The following NOS1AP variants were observed in gnomAD, a reference collection of about 807,000 sequenced individuals.
The protein encoded by NOS1AP is nitric oxide synthase 1 adaptor protein.
Under a neutral mutation model 56.2 loss-of-function variants are expected in NOS1AP, and 21 were observed. The observed-to-expected ratio is 0.37, with a 90% CI of 0.26 to 0.54. The LOEUF (loss-of-function observed/expected upper bound fraction) is 0.54. Ranked by LOEUF, NOS1AP falls within the 20% of genes least tolerant of loss-of-function variation. NOS1AP has a pLI of 0.84. For missense variants in NOS1AP, 522 were observed against 657.8 expected, an observed-to-expected ratio of 0.79 and a Z score of 2.26; for synonymous variants, 270 against 274.6, an observed-to-expected ratio of 0.98 and a Z score of 0.17.
intron 2 of NOS1AP, among the ~76,000 whole-genome samples, chr1:162,199,642 C>T (rs5778254): frequency 1.4e-5 from 1 of 69,890 alleles, no homozygotes; most frequent in Admixed American, 1.4e-4. Flanking sequence ...GTGTGTGTGT[C>T]TGTGTGTAAA....
intron 1 of NOS1AP, among the ~76,000 whole-genome samples, chr1:162,099,008 T>C (rs1692313460): frequency 6.6e-6 from 1 of 152,204 alleles, no homozygotes; most frequent in Non-Finnish European, 1.5e-5. Flanking sequence ...GAATGATTTA[T>C]ATCTCTTTGG....
At chr1:162,134,291 G>C (rs4480334) in intron 1 of NOS1AP, among the ~76,000 whole-genome samples, 35,626 of 151,776 alleles carry the variant, frequency 0.23, 7,761 homozygotes, top group African/African-American at 0.59. Flanking sequence ...AGGAGTTTGA[G>C]ACCAGCGTGG....
intron 1 of NOS1AP, among the ~76,000 whole-genome samples, chr1:162,111,451 CT>C (rs1455291477): frequency 6.6e-6 from 1 of 152,124 alleles, no homozygotes; most frequent in Non-Finnish European, 1.5e-5. Flanking sequence ...AGCTTGTTGA[CT>C]TGTGATGGGA....
At chr1:162,093,263 A>G (rs1344250224) in intron 1 of NOS1AP, among the ~76,000 whole-genome samples, 3 of 152,192 alleles carry the variant, frequency 2.0e-5, no homozygotes, top group East Asian at 1.9e-4. Flanking sequence ...TATTCATGCA[A>G]TCAGTATTTA....
Position 162,367,319 on chromosome 1 carries a change from G to A in NOS1AP, c.1373G>A (p.Arg458Gln). The A allele has an allele frequency of 6.2e-7, 1 of 1,613,230 alleles. No individual in the cohort carries two copies. The highest frequency in any genetic ancestry group is 8.5e-7 in the Non-Finnish European group (1 of 1,179,930). Reference protein sequence around the residue: ...LLGGLELIKFRESGIASEYES... With the variant: ...LLGGLELIKFQESGIASEYES... ...GGCGGTCTGGAGCTCATCAAGTTCC[G>A]AGAGTCAGGCATCGCCTCGGAGTAC... The change falls in exon 10 of 10, where the codon CGA becomes CAA. Residue 458 changes from arginine to glutamine, a missense_variant. Around this residue, in one of 4 missense-constraint regions of NOS1AP, gnomAD observed 160 missense variants for 180.3 expected, o/e 0.89. Coordinates refer to ENST00000361897, the MANE Select transcript of NOS1AP (RefSeq NM_014697.3). The surrounding 1 kb of genome is among the most constrained non-coding windows in gnomAD (Gnocchi z 6.5).
chr1:162,299,243 T>G (rs1571201604), intron 3 of NOS1AP, among the ~76,000 whole-genome samples: 1 of 152,062 alleles, frequency 6.6e-6, no homozygotes, highest in African/African-American at 2.4e-5. Flanking sequence ...TTAAGAGGAG[T>G]GTCATGGCTG....
rs576509496 is a variant in NOS1AP at position 162,219,450 on chromosome 1, G to C, written c.177+64974G>C. 3.3e-5 allele frequency among the ~76,000 whole-genome samples: 5 copies of C among 152,174 alleles called. No homozygotes were observed. The East Asian group carries it at 9.6e-4, about 29-fold the overall frequency. On this transcript the variant is annotated intron_variant, in intron 2 of 9. Transcript: ENST00000361897. ...TTTAAACAGCTATCATGTATTACCT[G>C]TTCCTCTACTGAGGTGGGGCCCTGG...
intron 2 of NOS1AP, among the ~76,000 whole-genome samples, chr1:162,238,813 A>G (rs1266799243): frequency 6.6e-6 from 1 of 152,240 alleles, no homozygotes; most frequent in Non-Finnish European, 1.5e-5. Context: ...TATGAAGAAG[A>G]CAGCATAAAA....
chr1:162,081,585 T>G (rs1298426804), intron 1 of NOS1AP, among the ~76,000 whole-genome samples: 1 of 149,782 alleles, frequency 6.7e-6, no homozygotes, highest in East Asian at 1.9e-4. Flanking sequence ...TTTACTCTGT[T>G]GCCCATGCTG....
intron 2 of NOS1AP, among the ~76,000 whole-genome samples, chr1:162,186,009 TCTC>T (rs1246058131): frequency 6.6e-6 from 1 of 152,192 alleles, no homozygotes; most frequent in African/African-American, 2.4e-5. Flanking sequence ...AAGTCTTCCT[TCTC>T]CTCCTCCTTC....
chr1:162,109,269 C>A (rs1647624047), intron 1 of NOS1AP, among the ~76,000 whole-genome samples: 1 of 152,138 alleles, frequency 6.6e-6, no homozygotes, highest in Non-Finnish European at 1.5e-5. Context: ...TTATTTGGAT[C>A]TTAAGGATAA....
chr1:162,081,774 A>ATAT lies in NOS1AP; in HGVS notation c.105+11493_105+11494insATT. Among the ~76,000 whole-genome samples, 40 of 44,060 alleles carry ATAT rather than the reference A, an allele frequency of 9.1e-4. 3 individuals carry two copies. Among genetic ancestry groups the ATAT allele is most frequent in the African/African-American group, 2.1e-3 (28 of 13,086 alleles). The allele number at this position is 44,060 out of a possible 152,430, so 28.9% of individuals were successfully genotyped here. On this transcript the variant is annotated intron_variant, in intron 1 of 9. Transcript: ENST00000361897. Reference sequence around the variant, plus strand: ...TCTATAGATATATATATATATATATATTTTTTTTTTGTAGAGATGGGTTTT... The same window carrying ATAT: ...TCTATAGATATATATATATATATATATATTTTTTTTTTTGTAGAGATGGGTTTT...
At chr1:162,078,267 C>T (rs1465079862) in intron 1 of NOS1AP, among the ~76,000 whole-genome samples, 1 of 152,182 alleles carries the variant, frequency 6.6e-6, no homozygotes, top group Non-Finnish European at 1.5e-5. Flanking sequence ...GTGTTGCTGT[C>T]CCTATCACTC....
intron 2 of NOS1AP, among the ~76,000 whole-genome samples, chr1:162,251,879 T>TTG (rs1653872824): frequency 7.1e-6 from 1 of 140,286 alleles, no homozygotes; most frequent in African/African-American, 2.6e-5. Context: ...GTTTTTTTTT[T>TTG]TTTTTTTTTT....
At chr1:162,162,350 GA>G (rs1650260686) in intron 2 of NOS1AP, among the ~76,000 whole-genome samples, 1 of 152,236 alleles carries the variant, frequency 6.6e-6, no homozygotes, top group African/African-American at 2.4e-5. Flanking sequence ...ATAGAGAGAC[GA>G]AAGTAGCAGA....
intron 1 of NOS1AP, among the ~76,000 whole-genome samples, chr1:162,072,429 T>C (rs1378642558): frequency 6.6e-6 from 1 of 152,218 alleles, no homozygotes; most frequent in Non-Finnish European, 1.5e-5. Context: ...CTGGGGGCTG[T>C]GTGATGTAGT....
intron 4 of NOS1AP, among the ~76,000 whole-genome samples, chr1:162,307,064 T>A (rs1266769104): frequency 6.6e-6 from 1 of 152,212 alleles, no homozygotes; most frequent in Non-Finnish European, 1.5e-5. Context: ...TCTCTTTTAT[T>A]CATTTTGGAT....
intron 1 of NOS1AP, among the ~76,000 whole-genome samples, chr1:162,128,346 T>A (rs1160233658): frequency 1.3e-5 from 2 of 152,164 alleles, no homozygotes; most frequent in African/African-American, 4.8e-5. Context: ...TTTTTAAAAA[T>A]ACTTTCTATT....
chr1:162,205,770 C>T (rs562453874), intron 2 of NOS1AP, among the ~76,000 whole-genome samples: 14 of 152,282 alleles, frequency 9.2e-5, no homozygotes, highest in African/African-American at 3.4e-4. Flanking sequence ...TGTGAGCCAT[C>T]AAGCAAAATT....
Sources: allele counts gnomAD v4.1 joint callset (sites outside exome capture counted in the v4.1 genomes callset), GRCh38; gene constraint gnomAD v4.1.1; regional missense constraint gnomAD v4.1.1; non-coding constraint Gnocchi (gnomAD v3.1); transcripts MANE v1.5; gene names NCBI Gene and HGNC (gene_info 2026-07-23, HGNC 2026-07-21).